Variants in ANO10 observed in about 807,000 individuals in gnomAD.
The protein encoded by ANO10 is anoctamin 10.
A neutral mutation model predicts 74.7 loss-of-function variants in ANO10; 77 were observed. The ratio of observed to expected loss-of-function variants is 1.03; its 90% CI spans 0.86 to 1.25. The LOEUF (loss-of-function observed/expected upper bound fraction) is 1.25, where lower values mean the gene tolerates loss of function less well. ANO10 is among the 50% of genes most tolerant of loss of function. The pLI is 0.00. For missense variants in ANO10, 721 were observed against 778.1 expected, an observed-to-expected ratio of 0.93 and a Z score of 0.87; for synonymous variants, 279 against 284.9, an observed-to-expected ratio of 0.98 and a Z score of 0.21.
At chr3:43,597,163 G>A (rs909759988) in intron 4 of ANO10, among the ~76,000 whole-genome samples, 2 of 152,208 alleles carry the variant, frequency 1.3e-5, no homozygotes, top group Non-Finnish European at 2.9e-5. Context: ...TACACTGTTG[G>A]TGGGACGGTA....
Position 43,555,402 on chromosome 3 carries a change from T to A in ANO10, c.1544A>T (p.Tyr515Phe). Reference sequence around the variant, plus strand: ...CACAGCAAAGGCAGCTGCTAATGGGTAAACACAGGAGAAAAGGCTCACATA... The same window carrying A: ...CACAGCAAAGGCAGCTGCTAATGGGAAAACACAGGAGAAAAGGCTCACATA... ...FGYVSLFSCVYPLAAAFAVLN... is the reference protein window; with the variant it reads ...FGYVSLFSCVFPLAAAFAVLN... Residue 515 changes from tyrosine to phenylalanine, a missense_variant, in exon 10 of 13, where the codon TAC (tyrosine) becomes TTC (phenylalanine). Coordinates refer to ENST00000292246, the MANE Select transcript of ANO10 (RefSeq NM_018075.5). 2.5e-6 allele frequency: 4 copies of A among 1,614,136 alleles called. No homozygotes were observed. The highest frequency in any genetic ancestry group is 3.4e-6 in the Non-Finnish European group (4 of 1,180,012).
At chr3:43,561,546 G>A (rs2080038481) in intron 8 of ANO10, 144 bp from the exon 9 acceptor site, 1 of 775,520 alleles carries the variant, frequency 1.3e-6, no homozygotes, top group Non-Finnish European at 2.0e-6. Flanking sequence ...TCAATAAATA[G>A]CATACTATTG....
intron 1 of ANO10, chr3:43,691,175 G>T (rs2084370990): frequency 1.2e-6 from 1 of 842,250 alleles, no homozygotes; most frequent in Admixed American, 4.3e-5. Flanking sequence ...ACCCTCCCCG[G>T]CATGAGTCCG....
chr3:43,593,306 G>C (rs1473198957), intron 4 of ANO10, among the ~76,000 whole-genome samples: 1 of 152,180 alleles, frequency 6.6e-6, no homozygotes, highest in African/African-American at 2.4e-5. Flanking sequence ...ACACATAATT[G>C]TTAGATTCAC....
At chr3:43,581,074 T>C (rs942389028) in intron 4 of ANO10, among the ~76,000 whole-genome samples, 1 of 152,204 alleles carries the variant, frequency 6.6e-6, no homozygotes, top group Admixed American at 6.5e-5. Context: ...ATTTCCTTAG[T>C]AAATATACTT....
At chr3:43,564,136 A>G (rs6763321) in intron 8 of ANO10, among the ~76,000 whole-genome samples, 94,675 of 151,612 alleles carry the variant, frequency 0.62, 30,087 homozygotes, top group East Asian at 0.89. Context: ...AGGCTCAGAC[A>G]ATCCTCCCAC....
chr3:43,641,704 G>A (rs1386239025), intron 1 of ANO10, among the ~76,000 whole-genome samples: 2 of 152,128 alleles, frequency 1.3e-5, no homozygotes, highest in Non-Finnish European at 2.9e-5. Flanking sequence ...AGCACACATG[G>A]CACTGTCTAT....
At chr3:43,620,411 G>A (rs1456750995) in intron 1 of ANO10, among the ~76,000 whole-genome samples, 1 of 152,120 alleles carries the variant, frequency 6.6e-6, no homozygotes, top group African/African-American at 2.4e-5. Flanking sequence ...GCATCAAAAT[G>A]TTATTACATG....
Position 43,577,012 on chromosome 3 carries a change from A to T in ANO10, c.842T>A (p.Phe281Tyr). Reference sequence around the variant, plus strand: ...ATGAAATCCTGGCCGGGGCTCCTCAAACTTTCTCTTCATGAGCAGTGTCCC... The same window carrying T: ...ATGAAATCCTGGCCGGGGCTCCTCATACTTTCTCTTCATGAGCAGTGTCCC... ...RWGTLLMKRK[F>Y]EEPRPGFHGV... Residue 281 changes from phenylalanine to tyrosine, a missense_variant, in exon 6 of 13, where the codon TTT becomes TAT. Phe to Tyr is a conservative substitution (Grantham distance 22). Coordinates refer to ENST00000292246, the MANE Select transcript of ANO10 (RefSeq NM_018075.5). 3.1e-6 allele frequency: 5 copies of T among 1,613,878 alleles called. No individual in the cohort carries two copies. Among genetic ancestry groups the T allele is most frequent in the Non-Finnish European group, 4.2e-6 (5 of 1,179,762 alleles).
chr3:43,448,245 T>C (rs1161928397), intron 11 of ANO10, among the ~76,000 whole-genome samples: 2 of 152,178 alleles, frequency 1.3e-5, no homozygotes, highest in African/African-American at 2.4e-5. Context: ...AGCTGAGACA[T>C]ACATCATGTC....
chr3:43,681,000 C>A (rs1286989543), intron 1 of ANO10, among the ~76,000 whole-genome samples: 2 of 152,166 alleles, frequency 1.3e-5, no homozygotes, highest in Non-Finnish European at 2.9e-5. Flanking sequence ...ACCATCGAGG[C>A]TAGGAGGAAA....
In ANO10 at chr3:43,600,555, A is replaced by G. The variant is rs754630145; in HGVS notation, c.166T>C (p.Leu56=). 1.2e-6 allele frequency: 2 copies of G among 1,612,994 alleles called. No individual in the cohort carries two copies. The highest frequency in any genetic ancestry group is 1.7e-6 in the Non-Finnish European group (2 of 1,178,950). ...GGAQLLFRPL[L]NKYEQETLEN... ...AGTGTTTCTTGTTCATATTTATTTA[A>G]CAATGGTCTAAACAACAACTGGGCA... Residue 56 remains leucine (L), a synonymous_variant, in exon 3 of 13, where the codon TTA becomes CTA. Transcript: ENST00000292246.
chr3:43,403,960 G>A (rs1042603340), intron 12 of ANO10, among the ~76,000 whole-genome samples: 1 of 152,140 alleles, frequency 6.6e-6, no homozygotes. Context: ...AGTATAAGCA[G>A]GGGCTGGGAC....
intron 11 of ANO10, among the ~76,000 whole-genome samples, chr3:43,463,851 G>A (rs928541433): frequency 1.3e-5 from 2 of 152,126 alleles, no homozygotes; most frequent in Non-Finnish European, 2.9e-5. Flanking sequence ...GATATGGTTT[G>A]GCTGTGTCCT....
chr3:43,367,593 A>G (rs1483615741), intron 12 of ANO10, among the ~76,000 whole-genome samples: 1 of 152,064 alleles, frequency 6.6e-6, no homozygotes. Context: ...ACGTCAAGAT[A>G]GAGGTGCCCT....
intron 1 of ANO10, among the ~76,000 whole-genome samples, chr3:43,671,001 G>T (rs1296054664): frequency 1.3e-5 from 2 of 152,142 alleles, no homozygotes; most frequent in African/African-American, 4.8e-5. Context: ...ACAGAGAAAA[G>T]ACCCCTTATG....
Position 43,527,288 on chromosome 3 carries a change from T to C in ANO10, c.1797+22432A>G, listed in dbSNP as rs149427875. ...ATGACATATTAGAGGTTTACCATTA[T>C]GTTAACAAGAATAGATTTTGTAATG... is the stretch of plus-strand genomic sequence containing the variant. On this transcript the variant is annotated intron_variant, in intron 11 of 12. Transcript: ENST00000292246. Among the ~76,000 whole-genome samples, 689 of 152,280 alleles carry C rather than the reference T, an allele frequency of 4.5e-3. 3 individuals are homozygous for C. Among genetic ancestry groups the C allele is most frequent in the Non-Finnish European group, 7.5e-3 (512 of 68,010 alleles).
At chr3:43,585,634 CACA>C (rs1294609499) in intron 4 of ANO10, among the ~76,000 whole-genome samples, 2 of 152,162 alleles carry the variant, frequency 1.3e-5, no homozygotes, top group Non-Finnish European at 2.9e-5. Context: ...TGCAGAAACT[CACA>C]GGTGGAAGCC....
At chr3:43,552,079 A>C (rs1201817482) in intron 10 of ANO10, among the ~76,000 whole-genome samples, 2 of 152,130 alleles carry the variant, frequency 1.3e-5, no homozygotes, top group African/African-American at 4.8e-5. Flanking sequence ...AATGTTCCTG[A>C]GTATATCTTT....
Sources: gnomAD v4.1 joint callset for allele counts (sites outside exome capture counted in the v4.1 genomes callset) on GRCh38, gnomAD v4.1.1 for gene constraint, MANE v1.5 for transcripts, NCBI Gene and HGNC (gene_info 2026-07-23, HGNC 2026-07-21) for gene names.